MOV10L1: variants seen among roughly 807,000 people sequenced by gnomAD.
MOV10L1 encodes the protein Mov10 like RNA helicase 1, also known as RNA helicase Mov10l1.
MOV10L1 carries 110 observed loss-of-function variants against 143.8 expected under a neutral mutation model. The observed-to-expected ratio is 0.76, with a 90% CI of 0.66 to 0.90. The LOEUF (loss-of-function observed/expected upper bound fraction) is 0.90, where lower values mean the gene tolerates loss of function less well. MOV10L1 is among the 40% of genes least tolerant of loss of function. The pLI is 0.00. For synonymous variants in MOV10L1, 593 were observed against 581.1 expected, an observed-to-expected ratio of 1.02 and a Z score of -0.29; for missense variants, 1,406 against 1,526.8, an observed-to-expected ratio of 0.92 and a Z score of 1.32.
At chr22:50,153,534 C>T (rs1051854961) in intron 22 of MOV10L1, among the ~76,000 whole-genome samples, 1 of 152,160 alleles carries the variant, frequency 6.6e-6, no homozygotes, top group Non-Finnish European at 1.5e-5. Flanking sequence ...CTCGCAGGGC[C>T]ATGTGGCTGG....
chr22:50,160,253 CT>C (rs571939734), intron 24 of MOV10L1, among the ~76,000 whole-genome samples: 1,136 of 97,586 alleles, frequency 0.012, 3 homozygotes, highest in Non-Finnish European at 0.016. Context: ...TTTTTTCTTT[CT>C]TTTTTTTTTT....
intron 22 of MOV10L1, among the ~76,000 whole-genome samples, chr22:50,157,837 C>T (rs977712542): frequency 2.0e-5 from 3 of 151,658 alleles, no homozygotes; most frequent in African/African-American, 7.3e-5. Context: ...GTGGCGGACT[C>T]CTGTGACCCG....
intron 17 of MOV10L1, 146 bp from the exon 18 acceptor site, chr22:50,143,951 G>A: frequency 9.7e-7 from 1 of 1,027,396 alleles, no homozygotes; most frequent in Non-Finnish European, 1.4e-6. Flanking sequence ...CAGAGTCGTG[G>A]CCCAGGTCTC....
At chr22:50,113,469 C>T (rs1173943627) in intron 5 of MOV10L1, among the ~76,000 whole-genome samples, 179 bp from the exon 6 acceptor site, 1 of 152,164 alleles carries the variant, frequency 6.6e-6, no homozygotes, top group African/African-American at 2.4e-5. Flanking sequence ...TTATGAAGTG[C>T]ATCGTTCTCT....
At chr22:50,160,903 G>A in intron 25 of MOV10L1, 61 bp from the exon 26 acceptor site, 2 of 1,612,986 alleles carry the variant, frequency 1.2e-6, no homozygotes, top group Non-Finnish European at 1.7e-6. Context: ...GACGTACGAG[G>A]CACCAGGAGA....
At chr22:50,134,754 G>A in intron 15 of MOV10L1, 124 bp downstream of exon 15, 2 of 764,960 alleles carry the variant, frequency 2.6e-6, no homozygotes, top group Non-Finnish European at 2.2e-6. Flanking sequence ...CGATGTAACT[G>A]TCTACACAGG....
chr22:50,099,027 A>G (rs2062668958), intron 2 of MOV10L1, among the ~76,000 whole-genome samples: 1 of 152,248 alleles, frequency 6.6e-6, no homozygotes, highest in East Asian at 1.9e-4. Flanking sequence ...GTCATGGGGT[A>G]TAATCCTTTT....
rs763382380 is a variant in MOV10L1 at position 50,126,246 on chromosome 22, A to G, written c.1792A>G (p.Ile598Val). Reference sequence around the variant, plus strand: ...AACTCAAGAGTACAATGGACATGCCATCGAATACATCAGCTACGTGACTGA... The same window carrying G: ...AACTCAAGAGTACAATGGACATGCCGTCGAATACATCAGCTACGTGACTGA... ...LKTQEYNGHA[I>V]EYISYVTEIH... Residue 598 changes from isoleucine (I) to valine (V), a missense_variant, in exon 12 of 27, where the codon ATC becomes GTC. This residue lies in a region of MOV10L1 where 1,233 missense variants were observed against 1,351.4 expected (regional missense o/e 0.91). Transcript: ENST00000262794. 4.3e-6 allele frequency: 7 copies of G among 1,612,518 alleles called. No individual in the cohort carries two copies. The highest frequency in any genetic ancestry group is 1.6e-4 in the Middle Eastern group (1 of 6,082).
At chr22:50,114,756 C>T (rs993051745) in intron 7 of MOV10L1, 134 bp downstream of exon 7, 48 of 1,315,958 alleles carry the variant, frequency 3.6e-5, no homozygotes, top group Middle Eastern at 2.3e-4. Flanking sequence ...CTGAGCTCTT[C>T]GGCTTCAGGC....
At chr22:50,102,929 C>T (rs1376115200) in intron 3 of MOV10L1, among the ~76,000 whole-genome samples, 2 of 152,108 alleles carry the variant, frequency 1.3e-5, no homozygotes, top group Non-Finnish European at 2.9e-5. Context: ...TAATTAACAT[C>T]TTCTGCTCTG....
At chr22:50,102,087 G>A (rs573327914) in intron 3 of MOV10L1, among the ~76,000 whole-genome samples, 51 of 152,282 alleles carry the variant, frequency 3.3e-4, no homozygotes, top group African/African-American at 1.1e-3. Flanking sequence ...GCAGGGATCC[G>A]GAGCCCAGGC....
Position 50,099,508 on chromosome 22 carries a change from C to A in MOV10L1, c.348C>A (p.Gly116=), listed in dbSNP as rs771451406. The A allele has an allele frequency of 6.2e-7, 1 of 1,614,150 alleles. No individual in the cohort carries two copies. Among genetic ancestry groups the A allele is most frequent in the African/African-American group, 1.3e-5 (1 of 75,040 alleles). ...ACCATGGGAGTCCCTCAGACTGCGG[C>A]CCCCGAGTGTTGATTGGCTGTGTGA... ...SRNHGSPSDC[G]PRVLIGCVTS... is the part of the protein sequence containing the mutation. The change falls in exon 3 of 27, where the codon GGC becomes GGA. Residue 116 remains glycine, a synonymous_variant. Transcript: ENST00000262794.
In MOV10L1 at chr22:50,108,662, C is replaced by T; in HGVS notation, c.561C>T (p.Cys187=). 1 of 1,614,030 alleles carries T rather than the reference C, an allele frequency of 6.2e-7. No individual in the cohort carries two copies. Among genetic ancestry groups the T allele is most frequent in the Non-Finnish European group, 8.5e-7 (1 of 1,179,958 alleles). ...GCTCAGCTCTCTGCTCCCAGGTCTG[C>T]ATCTCTAGCCTCTGTGGAAGGAACG... ...PLRYKRVDKV[C]ISSLCGRNGV... The change falls in exon 5 of 27, where the codon TGC becomes TGT. Residue 187 remains cysteine, a synonymous_variant. Transcript: ENST00000262794.
intron 2 of MOV10L1, 109 bp from the exon 3 acceptor site, chr22:50,099,334 T>A: frequency 7.5e-7 from 1 of 1,335,964 alleles, no homozygotes; most frequent in South Asian, 1.4e-5. Context: ...TGCCAGGGCC[T>A]TGATCTTGGA....
intron 8 of MOV10L1, among the ~76,000 whole-genome samples, chr22:50,116,804 C>T (rs192169000): frequency 5.1e-4 from 78 of 151,726 alleles, no homozygotes; most frequent in African/African-American, 1.5e-3. Context: ...CACAGGCACA[C>T]GCCTCCATGT....
At chr22:50,119,647 A>G (rs554943024) in intron 9 of MOV10L1, among the ~76,000 whole-genome samples, 10 of 150,812 alleles carry the variant, frequency 6.6e-5, no homozygotes, top group South Asian at 2.2e-4. Flanking sequence ...TTAGTAATCA[A>G]TGCTTTCCAA....
chr22:50,128,355 C>T (rs988406244), intron 12 of MOV10L1, 61 bp from the exon 13 acceptor site: 15 of 938,402 alleles, frequency 1.6e-5, no homozygotes, highest in Admixed American at 2.3e-5. Context: ...GATGATGTGT[C>T]GCTAGATAAA....
intron 21 of MOV10L1, 45 bp downstream of exon 21, chr22:50,150,944 C>CA (rs1473285764): frequency 6.2e-7 from 1 of 1,610,824 alleles, no homozygotes; most frequent in African/African-American, 1.3e-5. Context: ...GCTAAGCAGA[C>CA]ACAGGCTCCA....
At position 50,144,644 on chromosome 22, in the gene MOV10L1, T is replaced by G. The variant is rs550240204; in HGVS notation, c.2505+401T>G. Among the ~76,000 whole-genome samples the G allele has an allele frequency of 4.7e-4, 71 of 152,106 alleles. No individual in the cohort carries two copies. In the East Asian group the frequency reaches 5.6e-3, roughly 12 times the overall value. On this transcript the variant is annotated intron_variant, in intron 18 of 26. Coordinates refer to ENST00000262794, the MANE Select transcript of MOV10L1 (RefSeq NM_018995.3). ...TCGCCCAGGCTGAAGTGCAGTGGCA[T>G]GATCTCGGCTCACTGCAAGCTCCGC...
Sources: allele counts gnomAD v4.1 joint callset (sites outside exome capture counted in the v4.1 genomes callset), GRCh38; gene constraint gnomAD v4.1.1; regional missense constraint gnomAD v4.1.1; transcripts MANE v1.5; gene names NCBI Gene and HGNC (gene_info 2026-07-23, HGNC 2026-07-21).